Variants in AVEN observed in about 807,000 individuals in gnomAD.
The protein encoded by AVEN is apoptosis and caspase activation inhibitor.
A neutral mutation model predicts 38.1 loss-of-function variants in AVEN; 41 were observed. The ratio of observed to expected loss-of-function variants is 1.08; its 90% CI spans 0.84 to 1.40. The LOEUF (loss-of-function observed/expected upper bound fraction) is 1.40, where lower values mean the gene tolerates loss of function less well. Ranked by LOEUF, AVEN falls within the 40% of genes most tolerant of loss-of-function variation. The pLI is 0.00. For synonymous variants in AVEN, 206 were observed against 171.8 expected (o/e 1.20, Z -1.56); for missense variants, 605 against 438.8 (o/e 1.38, Z -3.38).
intron 2 of AVEN, among the ~76,000 whole-genome samples, chr15:33,932,841 A>ATAAATAAATAAATAAAT (rs1288980535): frequency 1.3e-4 from 20 of 149,658 alleles, no homozygotes; most frequent in Non-Finnish European, 2.7e-4. Context: ...AAACAAACAA[A>ATAAATAAATAAATAAAT]TAAATAAATA....
chr15:33,853,124 C>G, the AVEN span: 4 of 1,520,470 alleles, frequency 2.6e-6, no homozygotes, highest in Non-Finnish European at 3.5e-6. Context: ...CCGTGATCAC[C>G]AAAAAATGTG....
At position 33,983,170 on chromosome 15, in the gene AVEN, GTATA is replaced by G. The variant is rs1555512775; in HGVS notation, c.445+19858_445+19861del. Among the ~76,000 whole-genome samples, 97 of 126,602 alleles carry G rather than the reference GTATA, an allele frequency of 7.7e-4. 1 individual carries two copies. Among genetic ancestry groups the G allele is most frequent in the Non-Finnish European group, 7.1e-4 (43 of 60,350 alleles). 83.1% of individuals were successfully genotyped at this position (126,602 alleles called of 152,430 possible). A position where few individuals can be genotyped will look rare whatever the true frequency, so the allele number is the denominator to read the frequency against. On this transcript the variant is annotated intron_variant, in intron 2 of 5. Coordinates refer to ENST00000306730, the MANE Select transcript of AVEN (RefSeq NM_020371.3). ...TGTGTGTGTGTGTGTATGTGTGTGTGTATATATACACACGTGTGTGTATGTGTGT... is the reference window on the plus strand; with the variant it reads ...TGTGTGTGTGTGTGTATGTGTGTGTGTATACACACGTGTGTGTATGTGTGT...
intron 2 of AVEN, among the ~76,000 whole-genome samples, chr15:33,951,416 G>T (rs145429449): frequency 3.5e-4 from 53 of 152,078 alleles, no homozygotes; most frequent in African/African-American, 1.2e-3. Context: ...CCTGTCAAGG[G>T]GTGGGGGAGG....
At chr15:34,041,785 TAAGA>T (rs1475506503), upstream of AVEN, among the ~76,000 whole-genome samples, 1 of 152,174 alleles carries the variant, frequency 6.6e-6, no homozygotes, top group Non-Finnish European at 1.5e-5. Context: ...ATTTTACAGA[TAAGA>T]AAACTGAGTT....
chr15:33,919,310 A>AT (rs1893295594), intron 2 of AVEN, among the ~76,000 whole-genome samples: 2 of 152,214 alleles, frequency 1.3e-5, no homozygotes, highest in Admixed American at 6.5e-5. Context: ...CCAAATTTCA[A>AT]TAACGTCTAA....
chr15:33,889,608 G>T (rs1195722216), intron 2 of AVEN, among the ~76,000 whole-genome samples: 1 of 151,660 alleles, frequency 6.6e-6, no homozygotes, highest in African/African-American at 2.4e-5. Flanking sequence ...AAAAAAATAC[G>T]CATCCAACTT....
intron 11 of AVEN, chr15:33,859,539 A>C: frequency 1.2e-6 from 2 of 1,611,782 alleles, no homozygotes; most frequent in Non-Finnish European, 1.7e-6. Flanking sequence ...CAGAACTGTG[A>C]CTTTTGCCTA....
intron 2 of AVEN, among the ~76,000 whole-genome samples, chr15:33,925,878 A>G (rs1445472246): frequency 6.6e-6 from 1 of 152,182 alleles, no homozygotes; most frequent in Admixed American, 6.5e-5. Flanking sequence ...TTCTAACATG[A>G]TTATTAAGAA....
chr15:34,068,659 T>A (rs1308712339), intron 2 of AVEN, among the ~76,000 whole-genome samples: 3 of 152,220 alleles, frequency 2.0e-5, no homozygotes, highest in Non-Finnish European at 4.4e-5. Context: ...GAAACTAATA[T>A]ATGTTCATTA....
chr15:33,874,430 C>T (rs555855070), intron 3 of AVEN, among the ~76,000 whole-genome samples: 1 of 152,264 alleles, frequency 6.6e-6, no homozygotes, highest in South Asian at 2.1e-4. Context: ...CCTGATCTTA[C>T]CATTTTCATG....
At chr15:33,948,227 G>A (rs1327029480) in intron 2 of AVEN, among the ~76,000 whole-genome samples, 1 of 151,486 alleles carries the variant, frequency 6.6e-6, no homozygotes, top group African/African-American at 2.4e-5. Flanking sequence ...CTCCTGAGTA[G>A]CTGGAATTAC....
intron 2 of AVEN, among the ~76,000 whole-genome samples, chr15:33,932,386 T>C (rs1298330907): frequency 6.6e-6 from 1 of 152,188 alleles, no homozygotes; most frequent in African/African-American, 2.4e-5. Context: ...ACAGACATAG[T>C]TCCCAGGACA....
rs1890864013 is a variant in AVEN, at chr15:33,869,937, A to C, written c.612+998T>G. ...ATCACTTCATCCTGTTATCTCCTGAATTTGTATTTCTAGCCCTTGATGTAG... is the reference window on the plus strand; with the variant it reads ...ATCACTTCATCCTGTTATCTCCTGACTTTGTATTTCTAGCCCTTGATGTAG... On this transcript the variant is annotated intron_variant, in intron 4 of 5. Coordinates refer to ENST00000306730, the MANE Select transcript of AVEN (RefSeq NM_020371.3). Among the ~76,000 whole-genome samples the C allele has an allele frequency of 1.3e-5, 2 of 151,646 alleles. 1 individual carries two copies. The highest frequency in any genetic ancestry group is 4.2e-4 in the South Asian group (2 of 4,812).
At chr15:33,865,115 G>T (rs369302943), downstream of AVEN, 2 of 1,598,852 alleles carry the variant, frequency 1.3e-6, no homozygotes, top group Non-Finnish European at 1.7e-6. Flanking sequence ...AGCACCCGTT[G>T]TTCATATTAT....
chr15:34,028,208 C>A (rs975238808), intron 1 of AVEN, among the ~76,000 whole-genome samples: 1 of 152,128 alleles, frequency 6.6e-6, no homozygotes, highest in African/African-American at 2.4e-5. Flanking sequence ...TCTAAATATT[C>A]TATACACATA....
intron 3 of AVEN, among the ~76,000 whole-genome samples, chr15:33,871,685 G>C (rs1367948782): frequency 6.6e-6 from 1 of 150,752 alleles, no homozygotes; most frequent in African/African-American, 2.4e-5. Context: ...TCTAAATTCA[G>C]ACTGCTGGCC....
At position 33,866,499 on chromosome 15, in the gene AVEN, G is replaced by A. The variant is rs1417904254; in HGVS notation, c.*114C>T. On this transcript the variant is annotated 3_prime_UTR_variant, in exon 6 of 6. Transcript: ENST00000306730. ...GGCATTTACTGCTGTGAGCATAATG[G>A]AACACACTAGCTTGAGACATGCTTG... The A allele has an allele frequency of 4.2e-6, 3 of 711,506 alleles. No homozygotes were observed. The highest frequency in any genetic ancestry group is 7.3e-6 in the Non-Finnish European group (3 of 412,130). 44.1% of individuals were successfully genotyped at this position (711,506 alleles called of 1,614,324 possible).
Position 33,866,570 on chromosome 15 carries a change from A to G in AVEN, c.*43T>C, listed in dbSNP as rs1890535273. ...GACAGCCTTATGCCCACCTGCCGTT[A>G]GAAGGCAACCAAGATTTGCTTCAGG... On this transcript the variant is annotated 3_prime_UTR_variant, in exon 6 of 6. Coordinates refer to ENST00000306730, the MANE Select transcript of AVEN (RefSeq NM_020371.3). 1 of 1,494,216 alleles carries G rather than the reference A, an allele frequency of 6.7e-7. No homozygotes were observed. Among genetic ancestry groups the G allele is most frequent in the Non-Finnish European group, 9.3e-7 (1 of 1,073,324 alleles). The allele number at this position is 1,494,216 out of a possible 1,614,324, so 92.6% of individuals were successfully genotyped here.
intron 5 of AVEN, among the ~76,000 whole-genome samples, chr15:34,048,760 A>C (rs1369341590): frequency 6.6e-6 from 1 of 152,166 alleles, no homozygotes; most frequent in Non-Finnish European, 1.5e-5. Context: ...GACACCTCCC[A>C]AAAGGAGTCT....
Sources: allele counts gnomAD v4.1 joint callset (sites outside exome capture counted in the v4.1 genomes callset), GRCh38; gene constraint gnomAD v4.1.1; transcripts MANE v1.5; gene names NCBI Gene and HGNC (gene_info 2026-07-23, HGNC 2026-07-21).